CACNA1C: variants seen among roughly 807,000 people sequenced by gnomAD.
CACNA1C encodes the protein voltage-dependent L-type calcium channel subunit alpha-1C.
In CACNA1C, 30 loss-of-function variants were observed where a neutral mutation model predicts 229.0. The observed-to-expected ratio is 0.13, with a 90% confidence interval of 0.10 to 0.18. The LOEUF is 0.18. Among genes scored for constraint, CACNA1C ranks in the 10% least tolerant of loss-of-function variants. The probability of loss-of-function intolerance (pLI) is 1.00; values close to 1 mark genes in which losing one functional copy is unlikely to be tolerated. For missense variants in CACNA1C, 1,658 were observed against 2,845.0 expected (o/e 0.58, Z 9.49); for synonymous variants, 1,114 against 1,132.5 (o/e 0.98, Z 0.33).
intron 3 of CACNA1C, among the ~76,000 whole-genome samples, chr12:2,183,333 A>G (rs546428470): frequency 7.2e-5 from 11 of 152,204 alleles, no homozygotes; most frequent in South Asian, 2.1e-4. Context: ...ATGAGTCCCT[A>G]TGCAGAGGTT....
chr12:2,256,746 C>A (rs1206588811), intron 3 of CACNA1C, among the ~76,000 whole-genome samples: 1 of 152,024 alleles, frequency 6.6e-6, no homozygotes, highest in East Asian at 1.9e-4. Flanking sequence ...TTGTAAACTC[C>A]TAAAGAACTT....
intron 3 of CACNA1C, among the ~76,000 whole-genome samples, chr12:2,129,696 C>G (rs1029270287): frequency 2.0e-5 from 3 of 152,144 alleles, no homozygotes; most frequent in Non-Finnish European, 4.4e-5. Context: ...AATGATTGCA[C>G]CTGTTGTAAT....
chr12:2,351,712 A>C lies in CACNA1C; in HGVS notation c.478-97264A>C, dbSNP rs1480404443. On this transcript the variant is annotated intron_variant, in intron 3 of 46. Coordinates refer to ENST00000399655, the MANE Select transcript of CACNA1C (RefSeq NM_000719.7). ...TGTCTGCCATGCTGCAGAAGGGAAA[A>C]CAGCATTGCACGCCTGTGTCCTGGC... 3.3e-5 allele frequency among the ~76,000 whole-genome samples: 5 copies of C among 152,238 alleles called. No homozygotes were observed. In the South Asian group the frequency reaches 1.0e-3, roughly 32 times the overall value.
At chr12:2,062,635 G>A (rs934931814) in intron 1 of CACNA1C, among the ~76,000 whole-genome samples, 12 of 152,100 alleles carry the variant, frequency 7.9e-5, no homozygotes, top group African/African-American at 2.2e-4. Flanking sequence ...TCCTGGTCCC[G>A]TCCTCTGGCT....
chr12:2,426,352 A>C (rs569633486), intron 3 of CACNA1C, among the ~76,000 whole-genome samples: 2 of 152,324 alleles, frequency 1.3e-5, no homozygotes, highest in African/African-American at 4.8e-5. Flanking sequence ...GGTGAGTAGT[A>C]CATGATTAAG....
chr12:2,544,549 A>G (rs540325391), intron 9 of CACNA1C, among the ~76,000 whole-genome samples: 44 of 152,250 alleles, frequency 2.9e-4, no homozygotes, highest in Non-Finnish European at 5.4e-4. Flanking sequence ...TTAAATCATT[A>G]TAACTAGGCT....
chr12:2,165,143 ACT>A (rs1439801006), intron 3 of CACNA1C, among the ~76,000 whole-genome samples: 7 of 152,066 alleles, frequency 4.6e-5, no homozygotes, highest in African/African-American at 1.7e-4. Flanking sequence ...ACATGGGTTG[ACT>A]CTCTAGAGTC....
chr12:2,463,151 T>C lies in CACNA1C; in HGVS notation c.757+5445T>C, dbSNP rs1046063910. The stretch of plus-strand genomic sequence containing the variant: ...GTCTCGATCTCCTGACCTCGTGATC[T>C]GCCCGCCTCAGCCTCCCAAAGTGCT... On this transcript the variant is annotated intron_variant, in intron 5 of 46. Coordinates refer to ENST00000399655, the MANE Select transcript of CACNA1C (RefSeq NM_000719.7). Among the ~76,000 whole-genome samples, 11 of 152,266 alleles carry C rather than the reference T, an allele frequency of 7.2e-5. No homozygotes were observed. In the South Asian group the frequency reaches 1.0e-3, roughly 14 times the overall value.
chr12:2,473,888 A>G (rs1413897468), intron 5 of CACNA1C, among the ~76,000 whole-genome samples: 1 of 152,258 alleles, frequency 6.6e-6, no homozygotes, highest in Non-Finnish European at 1.5e-5. Context: ...TGTGACCCTA[A>G]GAGCATTTTG....
chr12:2,341,411 G>A (rs1262643132), intron 3 of CACNA1C, among the ~76,000 whole-genome samples: 2 of 152,192 alleles, frequency 1.3e-5, no homozygotes, highest in Non-Finnish European at 1.5e-5. Flanking sequence ...AATTTCCTGA[G>A]GATTCCAAGG....
chr12:2,661,361 A>AG (rs1400864811), intron 34 of CACNA1C, among the ~76,000 whole-genome samples: 96 of 152,250 alleles, frequency 6.3e-4, no homozygotes, highest in African/African-American at 2.1e-3. Context: ...ACTTTTAAAA[A>AG]GAAGACAGAG....
chr12:2,004,703 T>C, intron 1 of CACNA1C: 1 of 480,808 alleles, frequency 2.1e-6, no homozygotes, highest in South Asian at 2.9e-5. Flanking sequence ...AGAGCTGTTT[T>C]TCTACGCGCT....
rs1184310955 is a variant in CACNA1C, at chr12:2,054,603, T to A, written c.49+992T>A. 2.6e-5 allele frequency among the ~76,000 whole-genome samples: 4 copies of A among 152,308 alleles called. No homozygotes were observed. In the East Asian group the frequency reaches 5.8e-4, roughly 22 times the overall value. On this transcript the variant is annotated intron_variant, in intron 1 of 46. Coordinates refer to ENST00000399655, the MANE Select transcript of CACNA1C (RefSeq NM_000719.7). This position sits in a 1 kb window ranked among gnomAD's most constrained non-coding sequence, Gnocchi z 5.5. ...CCCCCATATTAACAAGTTGTTTTCT[T>A]GGACGTTGCTTAGCATTTAAGGTTT...
chr12:2,096,170 C>T (rs920945616), intron 1 of CACNA1C, among the ~76,000 whole-genome samples: 2 of 152,152 alleles, frequency 1.3e-5, no homozygotes, highest in African/African-American at 4.8e-5. Context: ...AGGTCCGATG[C>T]CTGATTTTTA....
intron 3 of CACNA1C, among the ~76,000 whole-genome samples, chr12:2,135,652 C>T (rs1282898731): frequency 1.4e-5 from 2 of 143,340 alleles, no homozygotes; most frequent in African/African-American, 2.8e-5. Context: ...CTTGAAGAGG[C>T]AGTCTGCCCG....
At chr12:2,517,011 C>G (rs746428609) in intron 9 of CACNA1C, among the ~76,000 whole-genome samples, 1 of 152,174 alleles carries the variant, frequency 6.6e-6, no homozygotes, top group South Asian at 2.1e-4. Context: ...AACCAGCAAA[C>G]AGGACTCCTA....
intron 38 of CACNA1C, chr12:2,672,069 T>C (rs2096594196): frequency 6.6e-6 from 1 of 152,234 alleles, no homozygotes; most frequent in African/African-American, 2.4e-5. Context: ...GAGGCTTGCA[T>C]CAGTCCTCAC....
At position 2,125,488 on chromosome 12, in the gene CACNA1C, A is replaced by G. The variant is rs1031807563; in HGVS notation, c.477+5058A>G. Among the ~76,000 whole-genome samples the G allele has an allele frequency of 9.9e-5, 15 of 152,266 alleles. 1 individual carries two copies. In the East Asian group the frequency reaches 2.9e-3, roughly 29 times the overall value. On this transcript the variant is annotated intron_variant, in intron 3 of 46. Transcript: ENST00000399655. ...GCTTGAGAAATCCTCCATTAGTTTCATAGCTTTTTTTAAAAAATTAAAGAA... is the reference window on the plus strand; with the variant it reads ...GCTTGAGAAATCCTCCATTAGTTTCGTAGCTTTTTTTAAAAAATTAAAGAA...
At chr12:2,345,477 T>G (rs7965406) in intron 3 of CACNA1C, among the ~76,000 whole-genome samples, 9,523 of 152,240 alleles carry the variant, frequency 0.063, 784 homozygotes, top group African/African-American at 0.19. Context: ...AAATGCTTTA[T>G]TACACATACT....
Sources: gnomAD v4.1 joint callset for allele counts (sites outside exome capture counted in the v4.1 genomes callset) on GRCh38, gnomAD v4.1.1 for gene constraint, Gnocchi (gnomAD v3.1) non-coding constraint, MANE v1.5 for transcripts, NCBI Gene and HGNC (gene_info 2026-07-23, HGNC 2026-07-21) for gene names.